The following PPP6R3 variants were observed in gnomAD, a reference collection of about 807,000 sequenced individuals.
The protein encoded by PPP6R3 is protein phosphatase 6 regulatory subunit 3.
PPP6R3 carries 38 observed loss-of-function variants against 110.7 expected under a neutral mutation model. That is an observed-to-expected ratio of 0.34 (90% confidence interval 0.26 to 0.45). The LOEUF (loss-of-function observed/expected upper bound fraction) is 0.45, where lower values mean the gene tolerates loss of function less well. PPP6R3 is among the 20% of genes least tolerant of loss of function. PPP6R3 has a pLI of 1.00. For synonymous variants in PPP6R3, 369 were observed against 373.5 expected, an observed-to-expected ratio of 0.99 and a Z score of 0.14; for missense variants, 870 against 1,062.4, an observed-to-expected ratio of 0.82 and a Z score of 2.52.
intron 1 of PPP6R3, among the ~76,000 whole-genome samples, chr11:68,499,319 T>C (rs2153473318): frequency 6.6e-6 from 1 of 152,220 alleles, no homozygotes; most frequent in Non-Finnish European, 1.5e-5. Flanking sequence ...TGTTCTAAGG[T>C]GGCTCATTTA....
chr11:68,469,388 G>A (rs1052301864), intron 1 of PPP6R3, among the ~76,000 whole-genome samples: 18 of 151,874 alleles, frequency 1.2e-4, no homozygotes, highest in African/African-American at 3.6e-4. Flanking sequence ...CTAGAGTGCA[G>A]TGGTTTTTGT....
rs11309470 is a variant in PPP6R3, at chr11:68,613,898, ATTTTTTTT to A, written c.*792_*799del. ...GAGTGTATATGGCTTGTGTTTTGGG[ATTTTTTTT>A]TTTTTTTTTTGGCTTTTGTTTTTGT... On this transcript the variant is annotated 3_prime_UTR_variant, in exon 24 of 24. Transcript: ENST00000393800. The A allele has an allele frequency of 5.3e-5, 49 of 918,498 alleles. No homozygotes were observed. Among genetic ancestry groups the A allele is most frequent in the Non-Finnish European group, 6.2e-5 (49 of 784,870 alleles). The allele number at this position is 918,498 out of a possible 1,614,324, so 56.9% of individuals were successfully genotyped here.
rs951409392 is a variant in PPP6R3, at chr11:68,614,009, C to T, written c.*892C>T. On this transcript the variant is annotated 3_prime_UTR_variant, in exon 24 of 24. Transcript: ENST00000393800. ...AATTTACCTTGTTAACAAGCATCACCAATGAACATTTCAGAGCAATCTGCA... is the reference window on the plus strand; with the variant it reads ...AATTTACCTTGTTAACAAGCATCACTAATGAACATTTCAGAGCAATCTGCA... 2.0e-6 allele frequency: 2 copies of T among 985,204 alleles called. No homozygotes were observed. The highest frequency in any genetic ancestry group is 6.2e-5 in the Admixed American group (1 of 16,208). 61.0% of individuals were successfully genotyped at this position (985,204 alleles called of 1,614,324 possible). A position where few individuals can be genotyped will look rare whatever the true frequency, so the allele number is the denominator to read the frequency against.
intron 22 of PPP6R3, among the ~76,000 whole-genome samples, chr11:68,606,658 A>G (rs1940241279): frequency 6.6e-6 from 1 of 152,146 alleles, no homozygotes; most frequent in South Asian, 2.1e-4. Flanking sequence ...CCAATACCAA[A>G]ATGCTACAGC....
chr11:68,526,332 C>A (rs2099197627), intron 2 of PPP6R3, among the ~76,000 whole-genome samples: 1 of 151,974 alleles, frequency 6.6e-6, no homozygotes, highest in African/African-American at 2.4e-5. Context: ...CTCTGCTTCC[C>A]AGGCTCAAGT....
At position 68,591,713 on chromosome 11, in the gene PPP6R3, G is replaced by C; in HGVS notation, c.1916+7G>C. On this transcript the variant is annotated splice_region_variant and intron_variant, in intron 18 of 23. Coordinates refer to ENST00000393800, the MANE Select transcript of PPP6R3 (RefSeq NM_001164161.2). Reference sequence around the variant, plus strand: ...AATCCCAAAGACGATCCAGGTGAAAGATAGTTGGTTATAGTTGTAATTATA... The same window carrying C: ...AATCCCAAAGACGATCCAGGTGAAACATAGTTGGTTATAGTTGTAATTATA... 1 of 1,606,936 alleles carries C rather than the reference G, an allele frequency of 6.2e-7. No homozygotes were observed. The highest frequency in any genetic ancestry group is 1.1e-5 in the South Asian group (1 of 89,178).
chr11:68,612,123 A>G (rs1025864659), intron 23 of PPP6R3, among the ~76,000 whole-genome samples: 3 of 152,210 alleles, frequency 2.0e-5, no homozygotes, highest in Non-Finnish European at 2.9e-5. Flanking sequence ...TAAGAAATCT[A>G]CTTATAAGAT....
chr11:68,566,219 TACCACCACC>T (rs1006224775), intron 9 of PPP6R3, among the ~76,000 whole-genome samples: 1 of 150,172 alleles, frequency 6.7e-6, no homozygotes. Context: ...TAGCAACTAC[TACCACCACC>T]ACCACCACGG....
In PPP6R3 at chr11:68,601,906, A is replaced by C. The variant is rs770713280; in HGVS notation, c.2236A>C (p.Thr746Pro). The C allele has an allele frequency of 6.2e-7, 1 of 1,613,648 alleles. No homozygotes were observed. The highest frequency in any genetic ancestry group is 8.5e-7 in the Non-Finnish European group (1 of 1,179,804). The part of the protein sequence containing the change: ...LRSNSPVEME[T>P]STEPMDPLTP... Reference sequence around the variant, plus strand: ...GAGTAATTCTCCAGTGGAAATGGAAACCAGCACTGAACCCATGGACCCTCT... The same window carrying C: ...GAGTAATTCTCCAGTGGAAATGGAACCCAGCACTGAACCCATGGACCCTCT... The change falls in exon 21 of 24, where the codon ACC becomes CCC. Residue 746 changes from threonine (T) to proline (P), a missense_variant. Coordinates refer to ENST00000393800, the MANE Select transcript of PPP6R3 (RefSeq NM_001164161.2).
At chr11:68,548,010 TAA>T (rs1256824163) in intron 4 of PPP6R3, 55 bp from the exon 5 acceptor site, 2 of 1,532,170 alleles carry the variant, frequency 1.3e-6, no homozygotes, top group African/African-American at 1.4e-5. Flanking sequence ...ACTTAAAAGG[TAA>T]AGTTTATAGT....
chr11:68,503,190 C>A (rs1032868614), intron 1 of PPP6R3, among the ~76,000 whole-genome samples: 2 of 152,210 alleles, frequency 1.3e-5, no homozygotes, highest in African/African-American at 4.8e-5. Context: ...GATCCGCCTG[C>A]CTCAGCCTCC....
chr11:68,583,162 T>C (rs555730590), intron 15 of PPP6R3, 33 bp downstream of exon 15: 2 of 1,430,414 alleles, frequency 1.4e-6, no homozygotes, highest in Middle Eastern at 1.8e-4. Flanking sequence ...CTTTTTGTTT[T>C]TATTTTAAAT....
At chr11:68,495,971 T>G (rs2099012918) in intron 1 of PPP6R3, among the ~76,000 whole-genome samples, 1 of 152,168 alleles carries the variant, frequency 6.6e-6, no homozygotes, top group Non-Finnish European at 1.5e-5. Flanking sequence ...GATTCTGATT[T>G]TGTCATATCC....
chr11:68,555,388 A>G (rs1177018574), intron 7 of PPP6R3, among the ~76,000 whole-genome samples: 2 of 152,250 alleles, frequency 1.3e-5, no homozygotes, highest in African/African-American at 4.8e-5. Flanking sequence ...AGTGCTGCCC[A>G]GTGGAAATAG....
intron 1 of PPP6R3, among the ~76,000 whole-genome samples, chr11:68,495,808 A>T (rs7129248): frequency 0.37 from 57,005 of 152,102 alleles, 11,751 homozygotes; most frequent in African/African-American, 0.54. Flanking sequence ...TGTACAAATT[A>T]TTCTGTGAAA....
intron 22 of PPP6R3, 165 bp from the exon 23 acceptor site, chr11:68,609,739 C>G: frequency 6.4e-7 from 1 of 1,554,452 alleles, no homozygotes; most frequent in Non-Finnish European, 8.9e-7. Context: ...TCCCCAGTCA[C>G]TGTCTGTGGT....
At chr11:68,552,941 ATT>A (rs1454751690) in intron 6 of PPP6R3, among the ~76,000 whole-genome samples, 3 of 152,210 alleles carry the variant, frequency 2.0e-5, no homozygotes, top group Non-Finnish European at 4.4e-5. Flanking sequence ...AAGAAAGTTA[ATT>A]TTGGTTTTTG....
chr11:68,595,251 T>A (rs2099610451), intron 18 of PPP6R3, among the ~76,000 whole-genome samples: 1 of 147,232 alleles, frequency 6.8e-6, no homozygotes, highest in Admixed American at 6.9e-5. Context: ...GTTTTGTTCT[T>A]CTTGTCCAGG....
At chr11:68,543,080 C>A (rs780567162) in intron 3 of PPP6R3, among the ~76,000 whole-genome samples, 19 of 152,174 alleles carry the variant, frequency 1.2e-4, no homozygotes, top group Non-Finnish European at 2.2e-4. Flanking sequence ...CACTTATTTA[C>A]TTTATGCCAG....
Sources: gnomAD v4.1 joint callset for allele counts (sites outside exome capture counted in the v4.1 genomes callset) on GRCh38, gnomAD v4.1.1 for gene constraint, MANE v1.5 for transcripts, NCBI Gene and HGNC (gene_info 2026-07-23, HGNC 2026-07-21) for gene names.